The following IGSF21 variants were observed in gnomAD, a reference collection of about 807,000 sequenced individuals.
IGSF21 encodes the protein immunoglobin superfamily member 21.
Under a neutral mutation model 46.8 loss-of-function variants are expected in IGSF21, and 28 were observed. The observed-to-expected ratio is 0.60, with a 90% CI of 0.44 to 0.82. The LOEUF is 0.82. IGSF21 is among the 40% of genes least tolerant of loss of function. The pLI, the probability that IGSF21 is intolerant of heterozygous loss-of-function variation, is 0.00. For synonymous variants in IGSF21, 284 were observed against 273.6 expected (o/e 1.04, Z -0.38); for missense variants, 624 against 665.5 (o/e 0.94, Z 0.69).
chr1:18,203,471 G>A (rs1377796645), intron 1 of IGSF21, among the ~76,000 whole-genome samples: 1 of 152,156 alleles, frequency 6.6e-6, no homozygotes, highest in Non-Finnish European at 1.5e-5. Context: ...GCCACACCTG[G>A]CTAGGTTTTG....
chr1:18,331,864 G>A (rs529732807), intron 3 of IGSF21, among the ~76,000 whole-genome samples: 1 of 152,284 alleles, frequency 6.6e-6, no homozygotes, highest in East Asian at 1.9e-4. Flanking sequence ...TTTGGAGGGT[G>A]TGGAAGTGGG....
At chr1:18,208,588 C>A (rs150990959) in intron 1 of IGSF21, among the ~76,000 whole-genome samples, 45 of 130,530 alleles carry the variant, frequency 3.4e-4, no homozygotes, top group Non-Finnish European at 8.0e-5. Flanking sequence ...TAGTAGAGAC[C>A]GGGTTTCTCC....
At chr1:18,135,808 C>T (rs1267552447) in intron 1 of IGSF21, among the ~76,000 whole-genome samples, 1 of 152,200 alleles carries the variant, frequency 6.6e-6, no homozygotes, top group Non-Finnish European at 1.5e-5. Flanking sequence ...AATGGCATTT[C>T]TAGTTCTAGA....
intron 1 of IGSF21, among the ~76,000 whole-genome samples, chr1:18,126,215 C>T (rs983767219): frequency 1.1e-4 from 5 of 45,920 alleles, no homozygotes; most frequent in South Asian, 4.6e-4. Flanking sequence ...GCTGAGAGCT[C>T]GCTCGCTTTG....
chr1:18,267,221 C>T (rs941999077), intron 2 of IGSF21, among the ~76,000 whole-genome samples: 26 of 152,122 alleles, frequency 1.7e-4, no homozygotes, highest in African/African-American at 6.3e-4. Flanking sequence ...CACTGAGGAC[C>T]AGCTGATTTG....
chr1:18,227,609 A>G (rs1403140841), intron 1 of IGSF21, among the ~76,000 whole-genome samples: 1 of 151,464 alleles, frequency 6.6e-6, no homozygotes, highest in Non-Finnish European at 1.5e-5. Context: ...ACCTTCAGGG[A>G]AAAATGTGTC....
intron 3 of IGSF21, among the ~76,000 whole-genome samples, chr1:18,313,488 C>A (rs761768387): frequency 3.9e-5 from 6 of 152,160 alleles, no homozygotes; most frequent in Non-Finnish European, 8.8e-5. Context: ...TAGTGTCTAT[C>A]TTGCAGAGGG....
chr1:18,249,225 C>T (rs755475213), intron 2 of IGSF21, among the ~76,000 whole-genome samples: 1 of 152,052 alleles, frequency 6.6e-6, no homozygotes, highest in Non-Finnish European at 1.5e-5. Flanking sequence ...TATCTGCTTG[C>T]TAGCTGTGAG....
Position 18,146,413 on chromosome 1 carries a change from G to A in IGSF21, c.70+38215G>A, listed in dbSNP as rs370899788. ...GGGCCATGTCGTTGGCTCAGCGGGCGACCTTGACTGAGTCATTTCACTCTC... is the reference window on the plus strand; with the variant it reads ...GGGCCATGTCGTTGGCTCAGCGGGCAACCTTGACTGAGTCATTTCACTCTC... On this transcript the variant is annotated intron_variant, in intron 1 of 9. Transcript: ENST00000251296. Among the ~76,000 whole-genome samples the A allele has an allele frequency of 3.9e-5, 6 of 152,210 alleles. No homozygotes were observed. The East Asian group carries it at 7.8e-4, about 20-fold the overall frequency.
chr1:18,249,827 G>C (rs12084778), intron 2 of IGSF21, among the ~76,000 whole-genome samples: 19,453 of 152,232 alleles, frequency 0.13, 2,770 homozygotes, highest in African/African-American at 0.35. Flanking sequence ...GCAACAGTCA[G>C]ACTGCACCCC....
chr1:18,274,611 C>T (rs966246468), intron 2 of IGSF21, among the ~76,000 whole-genome samples: 9 of 152,356 alleles, frequency 5.9e-5, no homozygotes, highest in South Asian at 4.1e-4. Flanking sequence ...TTGTGACAGA[C>T]GCTGTGTAGC....
At chr1:18,256,596 A>G (rs926910662) in intron 2 of IGSF21, among the ~76,000 whole-genome samples, 2 of 152,058 alleles carry the variant, frequency 1.3e-5, no homozygotes, top group African/African-American at 2.4e-5. Context: ...GATGTTTCCC[A>G]AGGGGGAAGG....
At chr1:18,115,631 C>T (rs2086180803) in intron 1 of IGSF21, 1 of 152,144 alleles carries the variant, frequency 6.6e-6, no homozygotes, top group South Asian at 2.1e-4. Context: ...ACAGTGGCAT[C>T]ACAGCTGGCA....
Position 18,365,687 on chromosome 1 carries a change from G to A in IGSF21, c.1005G>A (p.Glu335=). The A allele has an allele frequency of 1.2e-6, 2 of 1,611,150 alleles. No individual in the cohort carries two copies. Among genetic ancestry groups the A allele is most frequent in the Middle Eastern group, 1.7e-4 (1 of 6,050 alleles). Residue 335 remains glutamate (E), a synonymous_variant, in exon 6 of 10, where the codon GAG becomes GAA. Coordinates refer to ENST00000251296, the MANE Select transcript of IGSF21 (RefSeq NM_032880.5). This position sits in a 1 kb window ranked among gnomAD's most constrained non-coding sequence, Gnocchi z 4.8. ...HPALSMPMQA[E]VTLVAPKGPK... ...CTCTGTCGATGCCCATGCAGGCAGA[G>A]GTCACGCTGGGTAAGACTTGGTGGG... is the stretch of plus-strand genomic sequence containing the variant.
chr1:18,150,547 G>A (rs1396662351), intron 1 of IGSF21, among the ~76,000 whole-genome samples: 1 of 152,220 alleles, frequency 6.6e-6, no homozygotes, highest in African/African-American at 2.4e-5. Context: ...TGTGGTCAGA[G>A]ACAGGAATGC....
At chr1:18,299,118 G>A (rs1040074236) in intron 3 of IGSF21, among the ~76,000 whole-genome samples, 4 of 152,218 alleles carry the variant, frequency 2.6e-5, no homozygotes, top group Admixed American at 6.5e-5. Flanking sequence ...AGAGGCATCA[G>A]TGGGTTTTAG....
intron 1 of IGSF21, among the ~76,000 whole-genome samples, chr1:18,130,099 C>T (rs574821426): frequency 6.6e-6 from 1 of 152,274 alleles, no homozygotes; most frequent in African/African-American, 2.4e-5. Context: ...TGGGCGGCAC[C>T]AGGACTTGGT....
rs553235216 is a variant in IGSF21, at chr1:18,283,197, G to A, written c.184-8669G>A. Among the ~76,000 whole-genome samples the A allele has an allele frequency of 6.6e-5, 10 of 152,288 alleles. No homozygotes were observed. In the South Asian group the frequency reaches 8.3e-4, roughly 13 times the overall value. ...TGCTGTCTGCCATCGCACGGTAACC[G>A]GATGAGACAGGCAATTTATGACACC... On this transcript the variant is annotated intron_variant, in intron 2 of 9. Transcript: ENST00000251296.
intron 2 of IGSF21, among the ~76,000 whole-genome samples, chr1:18,268,297 G>A (rs927640387): frequency 1.3e-5 from 2 of 152,238 alleles, no homozygotes; most frequent in Non-Finnish European, 2.9e-5. Context: ...TGGGACACAG[G>A]ACTACTGACC....
Sources: gnomAD v4.1 joint callset for allele counts (sites outside exome capture counted in the v4.1 genomes callset) on GRCh38, gnomAD v4.1.1 for gene constraint, Gnocchi (gnomAD v3.1) non-coding constraint, MANE v1.5 for transcripts, NCBI Gene and HGNC (gene_info 2026-07-23, HGNC 2026-07-21) for gene names.